TMOD1: variants seen among roughly 807,000 people sequenced by gnomAD.
The protein encoded by TMOD1 is tropomodulin-1.
A neutral mutation model predicts 40.6 loss-of-function variants in TMOD1; 17 were observed. The observed-to-expected ratio is 0.42, with a 90% CI of 0.29 to 0.63. The LOEUF is 0.63. Ranked by LOEUF, TMOD1 falls within the 20% of genes least tolerant of loss-of-function variation. The pLI is 0.22. For missense variants in TMOD1, 391 were observed against 447.6 expected (o/e 0.87, Z 1.14); for synonymous variants, 181 against 175.0 (o/e 1.03, Z -0.27).
chr9:97,535,479 G>T (rs746406162), intron 2 of TMOD1, among the ~76,000 whole-genome samples: 4 of 152,148 alleles, frequency 2.6e-5, no homozygotes, highest in Non-Finnish European at 5.9e-5. Flanking sequence ...CTCAGACTCA[G>T]TTCAGGACCA....
At chr9:97,561,078 T>A (rs531615993) in intron 4 of TMOD1, among the ~76,000 whole-genome samples, 2 of 152,294 alleles carry the variant, frequency 1.3e-5, no homozygotes, top group East Asian at 3.9e-4. Flanking sequence ...TGGGTTTGGA[T>A]TTGGCTGTAC....
rs765335087 is a variant in TMOD1 at position 97,502,565 on chromosome 9, C to G, written c.-49+762C>G. 2.5e-4 allele frequency among the ~76,000 whole-genome samples: 38 copies of G among 152,294 alleles called. No individual in the cohort carries two copies. The highest frequency in any genetic ancestry group is 3.7e-4 in the Non-Finnish European group (25 of 68,010). ...GAGCTGGGAGCCCAAGCCCTGAGAG[C>G]TGCAGGGCGCGCTCTTGGCCGCCTG... On this transcript the variant is annotated intron_variant, in intron 1 of 9. Coordinates refer to ENST00000259365, the MANE Select transcript of TMOD1 (RefSeq NM_003275.4). The surrounding 1 kb of genome is among the most constrained non-coding windows in gnomAD (Gnocchi z 6.1).
chr9:97,577,990 A>G (rs919776260), intron 8 of TMOD1, among the ~76,000 whole-genome samples: 1 of 152,186 alleles, frequency 6.6e-6, no homozygotes, highest in Non-Finnish European at 1.5e-5. Flanking sequence ...TCTCTTCTAT[A>G]AAATGAATGA....
chr9:97,593,136 G>C (rs1826035407), intron 9 of TMOD1, among the ~76,000 whole-genome samples: 1 of 152,116 alleles, frequency 6.6e-6, no homozygotes, highest in Non-Finnish European at 1.5e-5. Flanking sequence ...TTTCTTCTGT[G>C]CCCCTTGGCT....
At position 97,524,225 on chromosome 9, in the gene TMOD1, C is replaced by G; in HGVS notation, c.37C>G (p.Leu13Val). 6.2e-7 allele frequency: 1 copy of G among 1,614,122 alleles called. No homozygotes were observed. The highest frequency in any genetic ancestry group is 8.5e-7 in the Non-Finnish European group (1 of 1,180,010). ...ACGAGAACTAGAGAAATACCGTGAC[C>G]TGGATGAAGATGAAATCCTTGGAGC... ...YRRELEKYRD[L>V]DEDEILGALT... Residue 13 changes from leucine to valine, a missense_variant, in exon 2 of 10, where the codon CTG becomes GTG. By Grantham distance (32) the Leu-to-Val change is conservative (BLOSUM62 1). Coordinates refer to ENST00000259365, the MANE Select transcript of TMOD1 (RefSeq NM_003275.4).
chr9:97,524,417 C>T, intron 2 of TMOD1, 109 bp downstream of exon 2: 3 of 1,363,692 alleles, frequency 2.2e-6, no homozygotes, highest in Non-Finnish European at 2.0e-6. Context: ...ATGGCAATGA[C>T]ATTGGTATAA....
At chr9:97,596,039 A>G (rs1434555138) in intron 9 of TMOD1, among the ~76,000 whole-genome samples, 4 of 151,962 alleles carry the variant, frequency 2.6e-5, no homozygotes, top group Admixed American at 2.6e-4. Context: ...ACACCATTGC[A>G]CTTCAGTGTG....
intron 3 of TMOD1, 107 bp from the exon 4 acceptor site, chr9:97,553,174 C>A: frequency 6.6e-7 from 1 of 1,526,622 alleles, no homozygotes; most frequent in Non-Finnish European, 8.9e-7. Context: ...GGACTCTCAG[C>A]ATGGAGGGAC....
At chr9:97,598,106 A>G (rs1163593811) in intron 9 of TMOD1, among the ~76,000 whole-genome samples, 1 of 151,954 alleles carries the variant, frequency 6.6e-6, no homozygotes, top group Non-Finnish European at 1.5e-5. Context: ...GGCGTGGGGG[A>G]TCACTTGAGG....
intron 2 of TMOD1, among the ~76,000 whole-genome samples, chr9:97,544,870 G>A (rs772588075): frequency 1.3e-5 from 2 of 152,006 alleles, no homozygotes; most frequent in Non-Finnish European, 2.9e-5. Context: ...TTAGCCGGGC[G>A]TGGTGTCAGG....
chr9:97,572,991 C>G (rs1830845165), intron 8 of TMOD1, among the ~76,000 whole-genome samples: 1 of 152,226 alleles, frequency 6.6e-6, no homozygotes, highest in African/African-American at 2.4e-5. Flanking sequence ...TAGCCCAGTC[C>G]TCCTTTCACA....
chr9:97,586,532 C>G (rs2131287521), intron 8 of TMOD1, among the ~76,000 whole-genome samples: 1 of 152,136 alleles, frequency 6.6e-6, no homozygotes, highest in East Asian at 1.9e-4. Context: ...GTGGGCTCCA[C>G]CCAGTTCGAG....
intron 8 of TMOD1, among the ~76,000 whole-genome samples, chr9:97,589,693 A>T (rs1210013465): frequency 6.6e-6 from 1 of 152,022 alleles, no homozygotes; most frequent in African/African-American, 2.4e-5. Flanking sequence ...GTCTGGAAGC[A>T]TTTTATTTAT....
intron 1 of TMOD1, among the ~76,000 whole-genome samples, chr9:97,505,218 C>T (rs778360410): frequency 6.6e-5 from 10 of 152,082 alleles, no homozygotes; most frequent in Non-Finnish European, 1.5e-4. Context: ...TCTCTTATGT[C>T]CTTTTGGTTT....
intron 4 of TMOD1, among the ~76,000 whole-genome samples, chr9:97,553,645 G>A (rs1830486262): frequency 6.6e-6 from 1 of 152,158 alleles, no homozygotes; most frequent in African/African-American, 2.4e-5. Flanking sequence ...CATGCCAGAG[G>A]GACGTGGGTG....
chr9:97,540,857 GACAT>G (rs1190890956), intron 2 of TMOD1, among the ~76,000 whole-genome samples: 1 of 152,110 alleles, frequency 6.6e-6, no homozygotes, highest in African/African-American at 2.4e-5. Context: ...CATTTGGGTG[GACAT>G]ACATCTGCTG....
At chr9:97,559,807 A>G (rs1355614662) in intron 4 of TMOD1, among the ~76,000 whole-genome samples, 1 of 33,714 alleles carries the variant, frequency 3.0e-5, no homozygotes, top group Admixed American at 2.7e-4. Context: ...ATATATATAT[A>G]TATATATATA....
At chr9:97,599,583 C>T (rs775150369) in intron 9 of TMOD1, 51 bp from the exon 10 acceptor site, 2 of 1,612,640 alleles carry the variant, frequency 1.2e-6, no homozygotes, top group Admixed American at 3.3e-5. Flanking sequence ...CAGTGCTGGC[C>T]CCTGGTCTAC....
At chr9:97,525,655 G>A (rs1005798885) in intron 2 of TMOD1, among the ~76,000 whole-genome samples, 8 of 152,128 alleles carry the variant, frequency 5.3e-5, no homozygotes, top group Admixed American at 4.6e-4. Context: ...ACTAAAAAAC[G>A]CCCTAAGGGC....
Sources: allele counts gnomAD v4.1 joint callset (sites outside exome capture counted in the v4.1 genomes callset), GRCh38; gene constraint gnomAD v4.1.1; non-coding constraint Gnocchi (gnomAD v3.1); transcripts MANE v1.5; gene names NCBI Gene and HGNC (gene_info 2026-07-23, HGNC 2026-07-21).